The following SMG1 variants were observed in gnomAD, a reference collection of about 807,000 sequenced individuals.
SMG1 encodes serine/threonine-protein kinase SMG1.
SMG1 carries 22 observed loss-of-function variants against 419.9 expected under a neutral mutation model. The ratio of observed to expected loss-of-function variants is 0.05; its 90% CI spans 0.04 to 0.07. The LOEUF is 0.07. Ranked by LOEUF, SMG1 falls within the 10% of genes least tolerant of loss-of-function variation. The probability of loss-of-function intolerance (pLI) is 1.00; values close to 1 mark genes in which losing one functional copy is unlikely to be tolerated. For missense variants in SMG1, 3,185 were observed against 4,342.0 expected (o/e 0.73, Z 7.49); for synonymous variants, 1,538 against 1,553.5 (o/e 0.99, Z 0.23).
intron 1 of SMG1, among the ~76,000 whole-genome samples, chr16:18,911,924 T>C (rs2037808203): frequency 6.6e-6 from 1 of 151,722 alleles, no homozygotes; most frequent in South Asian, 2.1e-4. Flanking sequence ...CTACTAAAAA[T>C]ACAAAAATTA....
At chr16:18,890,700 G>A (rs35310333) in intron 5 of SMG1, among the ~76,000 whole-genome samples, 163 bp downstream of exon 5, 14,485 of 152,138 alleles carry the variant, frequency 0.095, 744 homozygotes, top group Middle Eastern at 0.18. Context: ...GTATTCAACC[G>A]TAATTAACAC....
Position 18,845,736 on chromosome 16 carries a change from T to C in SMG1, c.5997-85A>G, listed in dbSNP as rs1366335022. 1.4e-5 allele frequency: 14 copies of C among 976,770 alleles called. No homozygotes were observed. In the South Asian group the frequency reaches 1.8e-4, roughly 13 times the overall value. 60.5% of individuals were successfully genotyped at this position (976,770 alleles called of 1,614,324 possible). On this transcript the variant is annotated intron_variant, in intron 38 of 62. Coordinates refer to ENST00000446231, the MANE Select transcript of SMG1 (RefSeq NM_015092.5). ...ACATGCAACAATTTCAATATATCAA[T>C]TGTTAAGTAAACAGTACCAAGGAAT...
intron 1 of SMG1, among the ~76,000 whole-genome samples, chr16:18,917,484 C>T (rs1276933913): frequency 2.6e-5 from 4 of 151,776 alleles, no homozygotes; most frequent in East Asian, 3.9e-4. Flanking sequence ...AAACATAATA[C>T]TCAGGTCCTT....
chr16:18,835,266 C>T lies in SMG1; in HGVS notation c.8058-102G>A. 2.5e-6 allele frequency: 3 copies of T among 1,194,100 alleles called. No homozygotes were observed. The South Asian group carries it at 4.7e-5, about 19-fold the overall frequency. 74.0% of individuals were successfully genotyped at this position (1,194,100 alleles called of 1,614,324 possible). On this transcript the variant is annotated intron_variant, in intron 48 of 62. Transcript: ENST00000446231. Reference sequence around the variant, plus strand: ...CAAACAAAACTTGAAGAGTAGAAATCATTATTTACATTTTACAGATAAAAA... The same window carrying T: ...CAAACAAAACTTGAAGAGTAGAAATTATTATTTACATTTTACAGATAAAAA...
At chr16:18,844,392 C>T (rs1403493019) in intron 39 of SMG1, among the ~76,000 whole-genome samples, 1 of 149,406 alleles carries the variant, frequency 6.7e-6, no homozygotes, top group Non-Finnish European at 1.5e-5. Context: ...TCGTGCCACT[C>T]ACTCCAGCCT....
intron 45 of SMG1, 110 bp downstream of exon 45, chr16:18,837,904 A>G (rs933261101): frequency 1.1e-5 from 12 of 1,128,394 alleles, no homozygotes; most frequent in African/African-American, 7.7e-5. Context: ...AATATTATAC[A>G]TTAGTTTTGC....
chr16:18,882,113 T>A, intron 10 of SMG1, 52 bp downstream of exon 10: 1 of 1,328,110 alleles, frequency 7.5e-7, no homozygotes, highest in South Asian at 1.6e-5. Context: ...GCATTTACAG[T>A]GTAAAACAAT....
chr16:18,870,430 T>C (rs1010350934), intron 18 of SMG1, among the ~76,000 whole-genome samples, 180 bp downstream of exon 18: 8 of 152,256 alleles, frequency 5.3e-5, no homozygotes, highest in African/African-American at 1.9e-4. Flanking sequence ...TTAAAAATTT[T>C]TAATTTTCTT....
rs369378228 is a variant in SMG1 at position 18,869,229 on chromosome 16, C to T, written c.2708G>A (p.Arg903His). 9.9e-6 allele frequency: 16 copies of T among 1,611,450 alleles called. No individual in the cohort carries two copies. Among genetic ancestry groups the T allele is most frequent in the African/African-American group, 5.3e-5 (4 of 74,824 alleles). The change falls in exon 20 of 63, where the codon CGC becomes CAC. Residue 903 changes from arginine (R) to histidine (H), a missense_variant. Arg to His is a conservative substitution (Grantham distance 29). Around this residue, in one of 27 missense-constraint regions of SMG1, gnomAD observed 48 missense variants for 48.8 expected, o/e 0.98. Transcript: ENST00000446231. ...LDKRDQSTIP[R>H]NLLKTDAVLW... ...GACAGCATCTGTCTTCAGGAGATTG[C>T]GTGGAATTGTTGACTGGTCACGCTT...
At chr16:18,908,397 T>C (rs565043547) in intron 1 of SMG1, among the ~76,000 whole-genome samples, 10 of 140,344 alleles carry the variant, frequency 7.1e-5, no homozygotes, top group African/African-American at 2.7e-4. Context: ...CATAGCCCAT[T>C]CCAACGAAGA....
At chr16:18,858,889 G>T in intron 28 of SMG1, 133 bp downstream of exon 28, 1 of 669,008 alleles carries the variant, frequency 1.5e-6, no homozygotes, top group Non-Finnish European at 2.4e-6. Context: ...CCTGAAAACA[G>T]CATGTTAGAT....
chr16:18,907,256 T>C (rs567847878), intron 1 of SMG1, among the ~76,000 whole-genome samples: 2 of 151,584 alleles, frequency 1.3e-5, no homozygotes, highest in African/African-American at 4.9e-5. Flanking sequence ...CACTCCAGCC[T>C]GGGCAACGAG....
rs192148973 is a variant in SMG1 at position 18,829,889 on chromosome 16, A to G, written c.9133+37T>C. ...ATCCTGCCCCCTTCCATAGTGCTAC[A>G]TAGCTAAAGCTAGTATGTTTACAGG... On this transcript the variant is annotated intron_variant, in intron 53 of 62. Transcript: ENST00000446231. 755 of 1,485,836 alleles carry G rather than the reference A, an allele frequency of 5.1e-4. 2 individuals carry two copies. Among genetic ancestry groups the G allele is most frequent in the African/African-American group, 3.6e-3 (253 of 71,004 alleles). The allele number at this position is 1,485,836 out of a possible 1,614,324, so 92.0% of individuals were successfully genotyped here.
chr16:18,847,723 G>A lies in SMG1; in HGVS notation c.5841+93C>T, dbSNP rs926777191. 3.2e-6 allele frequency: 5 copies of A among 1,566,598 alleles called. No individual in the cohort carries two copies. In the African/African-American group the frequency reaches 6.8e-5, roughly 21 times the overall value. ...AATTGGTGCTCATTATACAATTGGA[G>A]AACCCTGACCAGTGATTGTCAATAC... On this transcript the variant is annotated intron_variant, in intron 37 of 62. Coordinates refer to ENST00000446231, the MANE Select transcript of SMG1 (RefSeq NM_015092.5).
At chr16:18,810,582 T>C (rs1015807634) in intron 62 of SMG1, among the ~76,000 whole-genome samples, 3 of 152,130 alleles carry the variant, frequency 2.0e-5, no homozygotes, top group Non-Finnish European at 4.4e-5. Context: ...TGTCACTCCA[T>C]AAGGGGAGGA....
chr16:18,835,248 A>C lies in SMG1; in HGVS notation c.8058-84T>G, dbSNP rs972585818. The C allele has an allele frequency of 2.4e-5, 32 of 1,345,132 alleles. No homozygotes were observed. The South Asian group carries it at 3.8e-4, about 16-fold the overall frequency. 83.3% of individuals were successfully genotyped at this position (1,345,132 alleles called of 1,614,324 possible). A position where few individuals can be genotyped will look rare whatever the true frequency, so the allele number is the denominator to read the frequency against. ...AATATTGCATTTAATCCTCAAACAAAACTTGAAGAGTAGAAATCATTATTT... is the reference window on the plus strand; with the variant it reads ...AATATTGCATTTAATCCTCAAACAACACTTGAAGAGTAGAAATCATTATTT... On this transcript the variant is annotated intron_variant, in intron 48 of 62. Coordinates refer to ENST00000446231, the MANE Select transcript of SMG1 (RefSeq NM_015092.5).
At chr16:18,849,408 T>C in intron 35 of SMG1, 30 bp from the exon 36 acceptor site, 1 of 1,578,744 alleles carries the variant, frequency 6.3e-7, no homozygotes, top group East Asian at 2.2e-5. Context: ...AAAGACACTT[T>C]AAAGTTATTT....
chr16:18,883,924 A>AG, intron 9 of SMG1, 146 bp downstream of exon 9: 1 of 392,500 alleles, frequency 2.5e-6, no homozygotes, highest in Non-Finnish European at 4.7e-6. Flanking sequence ...ATCTCAAAAA[A>AG]AAAAAAAAAA....
intron 55 of SMG1, among the ~76,000 whole-genome samples, chr16:18,826,858 C>A (rs2032715781): frequency 2.3e-5 from 1 of 43,610 alleles, no homozygotes; most frequent in South Asian, 8.6e-4. Flanking sequence ...CTCCCCCAGC[C>A]TCGTTGCCGC....
Sources: gnomAD v4.1 joint callset for allele counts (sites outside exome capture counted in the v4.1 genomes callset) on GRCh38, gnomAD v4.1.1 for gene constraint, gnomAD v4.1.1 regional missense constraint, MANE v1.5 for transcripts, NCBI Gene and HGNC (gene_info 2026-07-23, HGNC 2026-07-21) for gene names.